CPSF4L: variants seen among roughly 807,000 people sequenced by gnomAD.
CPSF4L encodes the protein putative cleavage and polyadenylation specificity factor subunit 4-like protein.
CPSF4L carries 18 observed loss-of-function variants against 24.0 expected under a neutral mutation model. The observed-to-expected ratio is 0.75, with a 90% CI of 0.52 to 1.11. The LOEUF (loss-of-function observed/expected upper bound fraction) is 1.11, where lower values mean the gene tolerates loss of function less well. CPSF4L is among the 50% of genes least tolerant of loss of function. The probability of loss-of-function intolerance (pLI) is 0.00; values close to 1 mark genes in which losing one functional copy is unlikely to be tolerated. For synonymous variants in CPSF4L, 72 were observed against 77.2 expected, an observed-to-expected ratio of 0.93 and a Z score of 0.35; for missense variants, 211 against 221.8, an observed-to-expected ratio of 0.95 and a Z score of 0.31.
chr17:73,243,077 ATTTTTTTTTTTT>A, the CPSF4L span: 2 of 437,884 alleles, frequency 4.6e-6, no homozygotes, highest in Non-Finnish European at 7.4e-6. Flanking sequence ...GATTCTCTGA[ATTTTTTTTTTTT>A]TTTTTTTTTT....
At chr17:73,258,012 CTTTT>C (rs549043197) in intron 2 of CPSF4L, among the ~76,000 whole-genome samples, 179 bp from the exon 3 acceptor site, 1 of 139,388 alleles carries the variant, frequency 7.2e-6, no homozygotes, top group Non-Finnish European at 1.6e-5. Flanking sequence ...GAAGGGAGAG[CTTTT>C]TTTTTTTTTT....
downstream of CPSF4L, chr17:73,245,583 C>T: frequency 1.0e-6 from 1 of 985,384 alleles, no homozygotes; most frequent in Non-Finnish European, 1.2e-6. Flanking sequence ...AGACTACTAC[C>T]TATATGTTGA....
At chr17:73,263,432 G>A (rs1483945020), upstream of CPSF4L, among the ~76,000 whole-genome samples, 2 of 152,138 alleles carry the variant, frequency 1.3e-5, no homozygotes, top group African/African-American at 4.8e-5. Context: ...GGAGGCATGA[G>A]GGGCCCAGCA....
At chr17:73,253,766 C>T (rs893898319) in intron 4 of CPSF4L, among the ~76,000 whole-genome samples, 165 bp downstream of exon 4, 1 of 152,198 alleles carries the variant, frequency 6.6e-6, no homozygotes, top group African/African-American at 2.4e-5. Context: ...CCACACCAGG[C>T]TGTGTTTTGT....
At chr17:73,254,385 T>A (rs2062016541) in intron 3 of CPSF4L, among the ~76,000 whole-genome samples, 1 of 152,226 alleles carries the variant, frequency 6.6e-6, no homozygotes, top group Non-Finnish European at 1.5e-5. Context: ...TCGCTGTAAC[T>A]GCAGCCCCCT....
upstream of CPSF4L, among the ~76,000 whole-genome samples, chr17:73,263,582 T>C (rs2062054717): frequency 6.6e-6 from 1 of 151,080 alleles, no homozygotes; most frequent in Non-Finnish European, 1.5e-5. Flanking sequence ...AAGGGTTTGG[T>C]TTGGCAGAAG....
chr17:73,254,146 C>A, intron 3 of CPSF4L, 120 bp from the exon 4 acceptor site: 1 of 725,230 alleles, frequency 1.4e-6, no homozygotes, highest in South Asian at 1.7e-5. Context: ...TTCTGGGAGT[C>A]ACCAGCTTTT....
chr17:73,244,799 GC>G (rs1401634947), downstream of CPSF4L: 1 of 174,362 alleles, frequency 5.7e-6, no homozygotes, highest in Non-Finnish European at 1.2e-5. Flanking sequence ...CAGGAACAAG[GC>G]GGCAGCACTC....
chr17:73,262,030 A>T (rs1426477153), upstream of CPSF4L: 9 of 578,416 alleles, frequency 1.6e-5, no homozygotes, highest in Non-Finnish European at 2.2e-5. Flanking sequence ...GCAGGGGCAG[A>T]CACCCCAGGG....
chr17:73,248,368 T>G, downstream of CPSF4L: 2 of 869,750 alleles, frequency 2.3e-6, no homozygotes, highest in South Asian at 3.1e-5. Flanking sequence ...GTCTCTAACA[T>G]GATTTACCAT....
intron 5 of CPSF4L, chr17:73,250,074 A>T: frequency 1.9e-6 from 1 of 533,918 alleles, no homozygotes; most frequent in Non-Finnish European, 3.2e-6. Context: ...TTGTATTTTT[A>T]GTAGCTCGTT....
intron 5 of CPSF4L, chr17:73,250,124 GCTACTTCTGCA>G (rs1306461101): frequency 1.2e-6 from 1 of 839,312 alleles, no homozygotes; most frequent in Non-Finnish European, 1.7e-6. Flanking sequence ...CCTGCCACAG[GCTACTTCTGCA>G]CCTCACTCAT....
chr17:73,260,145 G>A (rs2062039765), intron 2 of CPSF4L, among the ~76,000 whole-genome samples: 2 of 152,100 alleles, frequency 1.3e-5, no homozygotes, highest in South Asian at 4.1e-4. Flanking sequence ...GCTACCTCAG[G>A]GCATAGGGAA....
At chr17:73,258,130 T>G (rs1854223231) in intron 2 of CPSF4L, among the ~76,000 whole-genome samples, 1 of 151,700 alleles carries the variant, frequency 6.6e-6, no homozygotes, top group African/African-American at 2.4e-5. Context: ...CTGCCTCCAT[T>G]TCCTGAGTAG....
chr17:73,245,996 C>T (rs1281801865), downstream of CPSF4L, among the ~76,000 whole-genome samples: 1 of 152,108 alleles, frequency 6.6e-6, no homozygotes, highest in Non-Finnish European at 1.5e-5. Flanking sequence ...TCTCATCAAA[C>T]TATTCAGTGT....
chr17:73,260,496 G>A (rs779902590), intron 2 of CPSF4L, among the ~76,000 whole-genome samples: 2 of 152,208 alleles, frequency 1.3e-5, no homozygotes, highest in South Asian at 2.1e-4. Context: ...GCCGGGCATG[G>A]TGGCTCACGC....
intron 2 of CPSF4L, 30 bp from the exon 3 acceptor site, chr17:73,257,863 G>T (rs1477552835): frequency 1.3e-6 from 2 of 1,549,422 alleles, no homozygotes; most frequent in Non-Finnish European, 1.7e-6. Context: ...TGGCTGGGAG[G>T]CCCCTCATCC....
At chr17:73,253,827 T>G in intron 4 of CPSF4L, 104 bp downstream of exon 4, 1 of 661,466 alleles carries the variant, frequency 1.5e-6, no homozygotes, top group Admixed American at 2.9e-5. Context: ...CTATTTGGGG[T>G]TTCTCCAAGG....
chr17:73,259,815 C>T (rs7210897), intron 2 of CPSF4L, among the ~76,000 whole-genome samples: 3 of 152,164 alleles, frequency 2.0e-5, no homozygotes, highest in Admixed American at 2.0e-4. Flanking sequence ...CAGGGACAGA[C>T]TCATTTGGAT....
Sources: allele counts gnomAD v4.1 joint callset (sites outside exome capture counted in the v4.1 genomes callset), GRCh38; gene constraint gnomAD v4.1.1; transcripts MANE v1.5; gene names NCBI Gene and HGNC (gene_info 2026-07-23, HGNC 2026-07-21).